Variants in ZDHHC15 observed in about 807,000 individuals in gnomAD.
ZDHHC15 encodes zDHHC palmitoyltransferase 15, also known as palmitoyltransferase ZDHHC15.
In ZDHHC15, 19 loss-of-function variants were observed where a neutral mutation model predicts 31.7. The observed-to-expected ratio is 0.60, with a 90% CI of 0.42 to 0.88. The LOEUF (loss-of-function observed/expected upper bound fraction) is 0.88, where lower values mean the gene tolerates loss of function less well. Ranked by LOEUF, ZDHHC15 falls within the 40% of genes least tolerant of loss-of-function variation. The probability of loss-of-function intolerance (pLI) is 0.00; values close to 1 mark genes in which losing one functional copy is unlikely to be tolerated. For missense variants in ZDHHC15, 209 were observed against 251.2 expected, an observed-to-expected ratio of 0.83 and a Z score of 1.14; for synonymous variants, 103 against 90.0, an observed-to-expected ratio of 1.14 and a Z score of -0.82.
At chrX:75,401,961 A>T (rs947376441) in intron 10 of ZDHHC15, among the ~76,000 whole-genome samples, 2 of 112,601 alleles carry the variant, frequency 1.8e-5, no homozygotes, top group Non-Finnish European at 1.9e-5. Context: ...CACATGGCAC[A>T]TACTCTAAAA....
At chrX:75,485,771 C>T (rs1448778343) in intron 2 of ZDHHC15, among the ~76,000 whole-genome samples, 4 of 112,443 alleles carry the variant, frequency 3.6e-5, no homozygotes, top group Non-Finnish European at 7.5e-5. Context: ...CCAAAGCTCA[C>T]TCCATCCGTA....
rs759263449 is a variant in ZDHHC15, at chrX:75,450,847, C to T, written c.334G>A (p.Asp112Asn). 8.3e-7 allele frequency: 1 copy of T among 1,211,074 alleles called. No homozygotes were observed. Among genetic ancestry groups the T allele is most frequent in the South Asian group, 1.8e-5 (1 of 56,979 alleles). ...TAAACCGGTAGCTTTTTGGCCATAT[C>T]AACAAGCATCTGCTTCTGGACCTCA... is the stretch of plus-strand genomic sequence containing the variant. ...RPEVQKQMLV[D>N]MAKKLPVYTR... is the part of the protein sequence containing the mutation. Residue 112 changes from aspartate to asparagine, a missense_variant, in exon 4 of 12, where the codon GAT (aspartate) becomes AAT (asparagine). Physicochemically the swap from Asp to Asn is conservative, Grantham distance 23. Transcript: ENST00000373367.
In ZDHHC15 at chrX:75,371,142, G is replaced by A. The variant is rs919500287; in HGVS notation, c.*1836C>T. 1.2e-4 allele frequency: 13 copies of A among 111,791 alleles called. No individual in the cohort carries two copies. Among genetic ancestry groups the A allele is most frequent in the African/African-American group, 4.2e-4 (13 of 30,702 alleles). The allele number at this position is 111,791 out of a possible 1,213,427, so 9.2% of individuals were successfully genotyped here. ...GTAGTAAGTAAAGGCCATACATGTAGAAAAAGGTGCATATCTATATGAATA... is the reference window on the plus strand; with the variant it reads ...GTAGTAAGTAAAGGCCATACATGTAAAAAAAGGTGCATATCTATATGAATA... On this transcript the variant is annotated 3_prime_UTR_variant, in exon 12 of 12. Coordinates refer to ENST00000373367, the MANE Select transcript of ZDHHC15 (RefSeq NM_144969.3).
chrX:75,454,828 T>G (rs1481656889), intron 3 of ZDHHC15, among the ~76,000 whole-genome samples: 1 of 111,391 alleles, frequency 9.0e-6, no homozygotes, highest in East Asian at 2.8e-4. Context: ...AAGGACCTCT[T>G]TAAGGAGAAC....
chrX:75,453,513 G>A (rs780852335), intron 3 of ZDHHC15, among the ~76,000 whole-genome samples: 1 of 111,590 alleles, frequency 9.0e-6, no homozygotes, highest in East Asian at 2.8e-4. Context: ...TAGAAAAAGA[G>A]GGAATCCTCC....
chrX:75,382,520 CT>C (rs1316970850), intron 10 of ZDHHC15, among the ~76,000 whole-genome samples: 1 of 111,963 alleles, frequency 8.9e-6, no homozygotes, highest in Non-Finnish European at 1.9e-5. Context: ...GATTCCTACT[CT>C]CATAAAAAGG....
chrX:75,397,300 C>G (rs1189005810), intron 10 of ZDHHC15, among the ~76,000 whole-genome samples: 2 of 103,133 alleles, frequency 1.9e-5, no homozygotes, highest in Non-Finnish European at 4.0e-5. Flanking sequence ...GCACTACAGC[C>G]TGGGCAACAG....
At chrX:75,406,456 C>T (rs772485530) in intron 10 of ZDHHC15, among the ~76,000 whole-genome samples, 18 of 110,016 alleles carry the variant, frequency 1.6e-4, no homozygotes, top group Middle Eastern at 9.4e-3. Flanking sequence ...GCAAGATTAA[C>T]CAAGGAAAAA....
At chrX:75,450,632 A>C in intron 4 of ZDHHC15, 170 bp downstream of exon 4, 1 of 1,016,261 alleles carries the variant, frequency 9.8e-7, no homozygotes, top group South Asian at 2.3e-5. Context: ...CAATTCTTCC[A>C]GCTTTGATAT....
chrX:75,383,256 A>C (rs1376573922), intron 10 of ZDHHC15, among the ~76,000 whole-genome samples: 2 of 112,500 alleles, frequency 1.8e-5, no homozygotes, highest in Non-Finnish European at 1.9e-5. Flanking sequence ...CATAATTGGC[A>C]TTCAACAAAT....
At chrX:75,410,578 C>G (rs761773792) in intron 10 of ZDHHC15, among the ~76,000 whole-genome samples, 4 of 111,322 alleles carry the variant, frequency 3.6e-5, no homozygotes, top group Admixed American at 9.6e-5. Context: ...TAAAATAAGA[C>G]CGTGAATAAT....
At chrX:75,473,423 G>C (rs902576192) in intron 3 of ZDHHC15, among the ~76,000 whole-genome samples, 3 of 110,995 alleles carry the variant, frequency 2.7e-5, no homozygotes, top group African/African-American at 9.8e-5. Flanking sequence ...TTTGCTTCCT[G>C]TTCCCACAAC....
At chrX:75,408,540 C>T (rs1448086562) in intron 10 of ZDHHC15, among the ~76,000 whole-genome samples, 1 of 112,008 alleles carries the variant, frequency 8.9e-6, no homozygotes, top group East Asian at 2.8e-4. Context: ...AGATCTGGAA[C>T]AAGATGAGGA....
At chrX:75,514,258 T>C (rs1429187379) in intron 1 of ZDHHC15, among the ~76,000 whole-genome samples, 1 of 112,370 alleles carries the variant, frequency 8.9e-6, no homozygotes, top group African/African-American at 3.2e-5. Flanking sequence ...CTTTTTACTA[T>C]CTAATTTAAA....
At position 75,494,163 on chromosome X, in the gene ZDHHC15, T is replaced by G. The variant is rs909558687; in HGVS notation, c.163+11658A>C. On this transcript the variant is annotated intron_variant, in intron 2 of 11. Transcript: ENST00000373367. ...AACAGACAAACAGAGAGCCAAATCA[T>G]GAGTGAACTCCCATTCATAATTGCT... Among the ~76,000 whole-genome samples, 4 of 111,224 alleles carry G rather than the reference T, an allele frequency of 3.6e-5. No homozygotes were observed. The East Asian group carries it at 8.4e-4, about 23-fold the overall frequency.
At chrX:75,454,769 A>G (rs1210881183) in intron 3 of ZDHHC15, among the ~76,000 whole-genome samples, 1 of 111,318 alleles carries the variant, frequency 9.0e-6, no homozygotes, top group African/African-American at 3.3e-5. Flanking sequence ...TATAATAATA[A>G]AAAATAAAAA....
intron 4 of ZDHHC15, 25 bp downstream of exon 4, chrX:75,450,777 T>G (rs1293818905): frequency 1.1e-5 from 13 of 1,208,618 alleles, no homozygotes; most frequent in Non-Finnish European, 1.5e-5. Context: ...GAGCTGCCTC[T>G]CTAGCTGCCT....
In ZDHHC15 at chrX:75,493,182, G is replaced by A. The variant is rs962101236; in HGVS notation, c.163+12639C>T. 3.6e-5 allele frequency among the ~76,000 whole-genome samples: 4 copies of A among 111,759 alleles called. No individual in the cohort carries two copies. The Admixed American group carries it at 3.8e-4, about 11-fold the overall frequency. On this transcript the variant is annotated intron_variant, in intron 2 of 11. Coordinates refer to ENST00000373367, the MANE Select transcript of ZDHHC15 (RefSeq NM_144969.3). ...CTATGAAAATAAAATAGAAAATCTA[G>A]AAGAAATAGATAAATTCCTCGACAC... is the stretch of plus-strand genomic sequence containing the variant.
chrX:75,377,916 C>A (rs2083076811), intron 11 of ZDHHC15, among the ~76,000 whole-genome samples: 1 of 111,377 alleles, frequency 9.0e-6, no homozygotes, highest in South Asian at 3.8e-4. Flanking sequence ...TGTTACCATG[C>A]CAAAGTAGTA....
Sources: allele counts gnomAD v4.1 joint callset (sites outside exome capture counted in the v4.1 genomes callset), GRCh38; gene constraint gnomAD v4.1.1; transcripts MANE v1.5; gene names NCBI Gene and HGNC (gene_info 2026-07-23, HGNC 2026-07-21).